The following KAZN variants were observed in gnomAD, a reference collection of about 807,000 sequenced individuals.
KAZN encodes the protein kazrin.
KAZN carries 40 observed loss-of-function variants against 87.4 expected under a neutral mutation model. The ratio of observed to expected loss-of-function variants is 0.46; its 90% CI spans 0.36 to 0.60. The LOEUF is 0.60. KAZN is among the 20% of genes least tolerant of loss of function. The pLI, the probability that KAZN is intolerant of heterozygous loss-of-function variation, is 0.00. For missense variants in KAZN, 898 were observed against 1,073.9 expected, an observed-to-expected ratio of 0.84 and a Z score of 2.29; for synonymous variants, 466 against 458.3, an observed-to-expected ratio of 1.02 and a Z score of -0.22.
intron 2 of KAZN, among the ~76,000 whole-genome samples, chr1:14,414,718 G>C (rs931978578): frequency 2.0e-5 from 3 of 152,098 alleles, no homozygotes; most frequent in African/African-American, 7.2e-5. Context: ...AGTTGGAGGA[G>C]AATAAGATCA....
chr1:14,892,010 C>G (rs1177241553), intron 1 of KAZN, among the ~76,000 whole-genome samples: 1 of 152,064 alleles, frequency 6.6e-6, no homozygotes, highest in Non-Finnish European at 1.5e-5. Flanking sequence ...TGGAAGGTGT[C>G]AGGAAAGTTC....
At chr1:14,347,312 T>C (rs1658176807) in intron 2 of KAZN, among the ~76,000 whole-genome samples, 1 of 152,084 alleles carries the variant, frequency 6.6e-6, no homozygotes, top group Non-Finnish European at 1.5e-5. Flanking sequence ...ATACCAGCAG[T>C]CCAGGCACAC....
chr1:15,085,068 C>A (rs6656957), intron 8 of KAZN, among the ~76,000 whole-genome samples: 46,820 of 151,386 alleles, frequency 0.31, 8,794 homozygotes, highest in East Asian at 0.82. Context: ...TAGCTGATAA[C>A]ATTAAAAATG....
chr1:14,000,973 G>T (rs1166356523), intron 1 of KAZN, among the ~76,000 whole-genome samples: 4 of 151,548 alleles, frequency 2.6e-5, no homozygotes, highest in Non-Finnish European at 2.9e-5. Flanking sequence ...TAGTAGAGAC[G>T]GGGTTTCACC....
intron 1 of KAZN, among the ~76,000 whole-genome samples, chr1:14,622,285 T>G (rs1678756300): frequency 6.6e-6 from 1 of 152,182 alleles, no homozygotes; most frequent in African/African-American, 2.4e-5. Context: ...TTGGAAAGTA[T>G]GGGTTTGCTT....
At chr1:14,687,440 AG>A (rs1181524034) in intron 1 of KAZN, among the ~76,000 whole-genome samples, 1 of 152,232 alleles carries the variant, frequency 6.6e-6, no homozygotes, top group Non-Finnish European at 1.5e-5. Flanking sequence ...GTAGTAAAGA[AG>A]GATATGCATA....
chr1:14,429,296 A>C (rs1410753), intron 2 of KAZN, among the ~76,000 whole-genome samples: 90,390 of 152,032 alleles, frequency 0.59, 27,238 homozygotes, highest in African/African-American at 0.67. Context: ...CAAAGGGATG[A>C]GGGCCCTATT....
At chr1:14,909,890 T>TA (rs1365223474) in intron 1 of KAZN, among the ~76,000 whole-genome samples, 2 of 152,172 alleles carry the variant, frequency 1.3e-5, no homozygotes, top group African/African-American at 4.8e-5. Flanking sequence ...CCATCTCTAC[T>TA]AAAAGTACAA....
chr1:14,901,335 T>C (rs1655860485), intron 1 of KAZN, among the ~76,000 whole-genome samples: 1 of 151,926 alleles, frequency 6.6e-6, no homozygotes, highest in Non-Finnish European at 1.5e-5. Flanking sequence ...CCAGTGGAGA[T>C]GAGTGAGTGA....
At chr1:14,087,717 T>G (rs1570707331) in intron 1 of KAZN, among the ~76,000 whole-genome samples, 1 of 151,930 alleles carries the variant, frequency 6.6e-6, no homozygotes, top group Non-Finnish European at 1.5e-5. Context: ...AGTCAGACGG[T>G]TTTTCTGTTT....
intron 2 of KAZN, among the ~76,000 whole-genome samples, chr1:14,353,280 A>T (rs949892456): frequency 2.7e-5 from 4 of 148,754 alleles, no homozygotes; most frequent in African/African-American, 1.0e-4. Flanking sequence ...GCTGGAGTGC[A>T]GTGGCGCGAT....
chr1:14,368,483 C>T (rs1004955307), intron 2 of KAZN, among the ~76,000 whole-genome samples: 1 of 152,192 alleles, frequency 6.6e-6, no homozygotes, highest in South Asian at 2.1e-4. Context: ...GACCATTTTG[C>T]CAACCGTACA....
rs74057004 is a variant in KAZN, at chr1:14,062,466, C to T, written c.92-117969C>T. On this transcript the variant is annotated intron_variant, in intron 1 of 16. Transcript: ENST00000636203. ...TGTTAGGGTCTTGTCTGATGGATGA[C>T]GGTAAAACTTTGTTTATTCAGGCAA... 8.2e-3 allele frequency among the ~76,000 whole-genome samples: 1,250 copies of T among 152,142 alleles called. 12 individuals are homozygous for T. The highest frequency in any genetic ancestry group is 0.028 in the African/African-American group (1,142 of 41,478).
intron 1 of KAZN, among the ~76,000 whole-genome samples, chr1:14,613,687 G>T (rs1475156688): frequency 6.6e-6 from 1 of 152,142 alleles, no homozygotes; most frequent in Admixed American, 6.5e-5. Context: ...AATTCATTGT[G>T]CCCATAGGCA....
intron 1 of KAZN, among the ~76,000 whole-genome samples, chr1:14,912,825 G>A (rs945639304): frequency 1.3e-5 from 2 of 152,114 alleles, no homozygotes; most frequent in Non-Finnish European, 2.9e-5. Context: ...GGCCAGATGC[G>A]GCTCCAAGGG....
intron 2 of KAZN, among the ~76,000 whole-genome samples, chr1:14,215,589 T>G (rs1646941827): frequency 6.6e-6 from 1 of 152,204 alleles, no homozygotes; most frequent in Non-Finnish European, 1.5e-5. Context: ...CAACGATTGG[T>G]TCTTTTTGGT....
chr1:14,350,990 T>C (rs1358518977), intron 2 of KAZN: 1 of 152,250 alleles, frequency 6.6e-6, no homozygotes, highest in Non-Finnish European at 1.5e-5. Flanking sequence ...GGGCCAGCTT[T>C]GGGTGGTCTG....
At position 14,014,569 on chromosome 1, in the gene KAZN, A is replaced by T. The variant is rs534532019; in HGVS notation, c.91+120813A>T. On this transcript the variant is annotated intron_variant, in intron 1 of 16. Coordinates refer to the KAZN transcript ENST00000636203. ...CTGCCTATTTCTCTTAGCCTGCAAG[A>T]TAAGCATGGCTTCTCCATTTTTAAA... Among the ~76,000 whole-genome samples the T allele has an allele frequency of 7.2e-5, 11 of 152,342 alleles. No homozygotes were observed. The South Asian group carries it at 2.1e-3, about 29-fold the overall frequency.
chr1:14,366,267 G>A (rs753996045), intron 2 of KAZN, among the ~76,000 whole-genome samples: 3 of 152,200 alleles, frequency 2.0e-5, no homozygotes, highest in East Asian at 1.9e-4. Flanking sequence ...CCCTCTGAAC[G>A]TACAAATGAA....
Sources: gnomAD v4.1 joint callset for allele counts (sites outside exome capture counted in the v4.1 genomes callset) on GRCh38, gnomAD v4.1.1 for gene constraint, MANE v1.5 for transcripts, NCBI Gene and HGNC (gene_info 2026-07-23, HGNC 2026-07-21) for gene names.